The following MCUB variants were observed in gnomAD, a reference collection of about 807,000 sequenced individuals.
The protein encoded by MCUB is mitochondrial calcium uniporter dominant negative subunit beta.
Under a neutral mutation model 41.4 loss-of-function variants are expected in MCUB, and 46 were observed. The ratio of observed to expected loss-of-function variants is 1.11; its 90% CI spans 0.88 to 1.42. MCUB has a LOEUF of 1.42. Among genes scored for constraint, MCUB ranks in the 40% most tolerant of loss-of-function variants. The pLI, the probability that MCUB is intolerant of heterozygous loss-of-function variation, is 0.00. For synonymous variants in MCUB, 148 were observed against 148.2 expected (o/e 1.00, Z 0.01); for missense variants, 403 against 404.9 (o/e 1.00, Z 0.04).
chr4:109,674,428 A>G (rs1729528129), intron 4 of MCUB, among the ~76,000 whole-genome samples: 4 of 152,208 alleles, frequency 2.6e-5, no homozygotes, highest in Admixed American at 6.5e-5. Context: ...AAAGAAGATA[A>G]CAGGCCAATC....
intron 1 of MCUB, among the ~76,000 whole-genome samples, chr4:109,649,169 GAGTTT>G (rs1024917840): frequency 4.6e-5 from 7 of 152,080 alleles, no homozygotes; most frequent in African/African-American, 1.7e-4. Flanking sequence ...TTTAACTGTT[GAGTTT>G]AATCTGTTTA....
At chr4:109,562,051 C>G (rs1390774909) in intron 1 of MCUB, among the ~76,000 whole-genome samples, 1 of 152,090 alleles carries the variant, frequency 6.6e-6, no homozygotes, top group Non-Finnish European at 1.5e-5. Context: ...GCGACCAGCC[C>G]CAAGTGTTTT....
At chr4:109,641,400 G>T (rs1272902906) in intron 1 of MCUB, among the ~76,000 whole-genome samples, 2 of 151,726 alleles carry the variant, frequency 1.3e-5, no homozygotes, top group African/African-American at 4.8e-5. Context: ...CACCGCACCC[G>T]GCCTAACACA....
intron 4 of MCUB, among the ~76,000 whole-genome samples, chr4:109,669,231 C>T (rs2126147220): frequency 6.6e-6 from 1 of 152,230 alleles, no homozygotes; most frequent in African/African-American, 2.4e-5. Context: ...CAAATTCACT[C>T]AATTTTTGTT....
At chr4:109,617,416 C>T (rs72900744) in intron 1 of MCUB, among the ~76,000 whole-genome samples, 1,615 of 152,100 alleles carry the variant, frequency 0.011, 26 homozygotes, top group African/African-American at 0.037. Context: ...TTTAGTGTGT[C>T]GGGGGTGGGA....
At chr4:109,606,275 T>G (rs1293072925) in intron 1 of MCUB, among the ~76,000 whole-genome samples, 3 of 151,540 alleles carry the variant, frequency 2.0e-5, no homozygotes, top group Non-Finnish European at 4.4e-5. Context: ...GTGCCTGGCC[T>G]GTTTTTTTTG....
In MCUB at chr4:109,560,249, G is replaced by A; in HGVS notation, c.-89G>A. 1 of 626,884 alleles carries A rather than the reference G, an allele frequency of 1.6e-6. No individual in the cohort carries two copies. Among genetic ancestry groups the A allele is most frequent in the Admixed American group, 4.5e-5 (1 of 22,428 alleles). 38.8% of individuals were successfully genotyped at this position (626,884 alleles called of 1,614,324 possible). A position where few individuals can be genotyped will look rare whatever the true frequency, so the allele number is the denominator to read the frequency against. On this transcript the variant is annotated 5_prime_UTR_variant, in exon 1 of 8. Transcript: ENST00000394650. ...AGCAGGCGGGGCGGGAGCGCCCACA[G>A]CTCGGAGCCACCAGGCGCTGACGAG...
intron 1 of MCUB, among the ~76,000 whole-genome samples, chr4:109,590,442 GCTT>G (rs1314273472): frequency 2.0e-5 from 3 of 152,102 alleles, no homozygotes; most frequent in Non-Finnish European, 4.4e-5. Context: ...TAAAAATTGA[GCTT>G]CTTTTTATTA....
At chr4:109,570,279 C>T (rs966613097) in intron 1 of MCUB, among the ~76,000 whole-genome samples, 1 of 152,134 alleles carries the variant, frequency 6.6e-6, no homozygotes, top group African/African-American at 2.4e-5. Context: ...ATTGTAATCT[C>T]GAAGATCAGG....
At chr4:109,645,965 A>G (rs1188762804) in intron 1 of MCUB, among the ~76,000 whole-genome samples, 1 of 152,164 alleles carries the variant, frequency 6.6e-6, no homozygotes, top group Non-Finnish European at 1.5e-5. Context: ...ATCAGCATAC[A>G]AATATACTCT....
intron 1 of MCUB, among the ~76,000 whole-genome samples, chr4:109,595,270 TG>T (rs1399813056): frequency 1.3e-5 from 2 of 152,158 alleles, no homozygotes; most frequent in Non-Finnish European, 1.5e-5. Flanking sequence ...AGAAAGAAAG[TG>T]GGCCAAGGGA....
At chr4:109,658,747 T>C (rs770830110) in intron 1 of MCUB, among the ~76,000 whole-genome samples, 4 of 152,194 alleles carry the variant, frequency 2.6e-5, no homozygotes, top group Non-Finnish European at 5.9e-5. Flanking sequence ...CACAGAACTC[T>C]AGGATTTTCA....
At chr4:109,644,381 A>G (rs1400684291) in intron 1 of MCUB, among the ~76,000 whole-genome samples, 1 of 152,236 alleles carries the variant, frequency 6.6e-6, no homozygotes, top group Non-Finnish European at 1.5e-5. Flanking sequence ...GTCTATAGAT[A>G]GATAAGCTCA....
intron 1 of MCUB, among the ~76,000 whole-genome samples, chr4:109,565,136 A>T (rs944740933): frequency 7.2e-5 from 11 of 152,234 alleles, no homozygotes; most frequent in African/African-American, 2.7e-4. Context: ...AAAGATGCTT[A>T]TGGAAAAATG....
At chr4:109,612,427 C>T (rs1004847205) in intron 1 of MCUB, among the ~76,000 whole-genome samples, 4 of 151,940 alleles carry the variant, frequency 2.6e-5, no homozygotes, top group Non-Finnish European at 2.9e-5. Flanking sequence ...CCATCATGCC[C>T]GGCTAAATTT....
chr4:109,566,858 C>A (rs546880806), intron 1 of MCUB, among the ~76,000 whole-genome samples: 1 of 152,188 alleles, frequency 6.6e-6, no homozygotes, highest in South Asian at 2.1e-4. Context: ...TATTCATGAC[C>A]CAAACGCATT....
intron 3 of MCUB, among the ~76,000 whole-genome samples, chr4:109,664,046 C>T (rs1282940870): frequency 3.9e-5 from 6 of 152,222 alleles, no homozygotes; most frequent in Non-Finnish European, 5.9e-5. Flanking sequence ...GATTCCAGCA[C>T]AGCTGACAGG....
In MCUB at chr4:109,590,268, G is replaced by A. The variant is rs185808440; in HGVS notation, c.99+29832G>A. Among the ~76,000 whole-genome samples, 16 of 152,284 alleles carry A rather than the reference G, an allele frequency of 1.1e-4. No homozygotes were observed. In the East Asian group the frequency reaches 2.9e-3, roughly 28 times the overall value. On this transcript the variant is annotated intron_variant, in intron 1 of 7. Transcript: ENST00000394650. ...TATATTTGGAAGTATTTCATGATCA[G>A]TATGGTGTTTACAATTGTCATTGCT...
At chr4:109,612,931 C>T (rs1439932385) in intron 1 of MCUB, among the ~76,000 whole-genome samples, 2 of 152,140 alleles carry the variant, frequency 1.3e-5, no homozygotes, top group East Asian at 3.9e-4. Flanking sequence ...ACGGTGAAAT[C>T]CCGTCTCTAC....
Sources: gnomAD v4.1 joint callset for allele counts (sites outside exome capture counted in the v4.1 genomes callset) on GRCh38, gnomAD v4.1.1 for gene constraint, MANE v1.5 for transcripts, NCBI Gene and HGNC (gene_info 2026-07-23, HGNC 2026-07-21) for gene names.